The following MTSS1 variants were observed in gnomAD, a reference collection of about 807,000 sequenced individuals.
MTSS1 encodes MTSS I-BAR domain containing 1, also known as protein MTSS 1.
MTSS1 carries 18 observed loss-of-function variants against 79.0 expected under a neutral mutation model. That is an observed-to-expected ratio of 0.23 (90% CI 0.16 to 0.34). The LOEUF is 0.34. Among genes scored for constraint, MTSS1 ranks in the 10% least tolerant of loss-of-function variants. MTSS1 has a pLI of 1.00. For synonymous variants in MTSS1, 341 were observed against 368.6 expected, an observed-to-expected ratio of 0.93 and a Z score of 0.86; for missense variants, 815 against 986.2, an observed-to-expected ratio of 0.83 and a Z score of 2.33.
At chr8:124,574,197 G>C (rs1194938721) in intron 6 of MTSS1, among the ~76,000 whole-genome samples, 1 of 152,010 alleles carries the variant, frequency 6.6e-6, no homozygotes, top group African/African-American at 2.4e-5. Flanking sequence ...TGCCTGCCTC[G>C]GCCTCCCAAA....
At chr8:124,684,199 A>G (rs1055627637) in intron 3 of MTSS1, among the ~76,000 whole-genome samples, 2 of 152,208 alleles carry the variant, frequency 1.3e-5, no homozygotes, top group Non-Finnish European at 2.9e-5. Flanking sequence ...ATTAAAAACA[A>G]TCTCTAAAAA....
At chr8:124,588,241 T>G (rs1831211530) in intron 5 of MTSS1, among the ~76,000 whole-genome samples, 1 of 152,198 alleles carries the variant, frequency 6.6e-6, no homozygotes, top group East Asian at 1.9e-4. Context: ...AGGCCTGTTT[T>G]AGGAGCCACC....
At chr8:124,705,637 A>C (rs997853949) in intron 1 of MTSS1, among the ~76,000 whole-genome samples, 4 of 152,230 alleles carry the variant, frequency 2.6e-5, no homozygotes, top group African/African-American at 9.7e-5. Context: ...AAAAATTATA[A>C]TGAGGTTAAT....
chr8:124,695,243 C>T (rs991280897), intron 3 of MTSS1, among the ~76,000 whole-genome samples: 14 of 152,022 alleles, frequency 9.2e-5, no homozygotes, highest in African/African-American at 3.1e-4. Context: ...GAAACCAGAG[C>T]GACCTGCTAG....
chr8:124,589,723 CG>C lies in MTSS1; in HGVS notation c.294-13del, dbSNP rs141357674. The C allele has an allele frequency of 1.9e-5, 30 of 1,574,926 alleles. No individual in the cohort carries two copies. Among genetic ancestry groups the C allele is most frequent in the African/African-American group, 5.5e-5 (4 of 73,254 alleles). The stretch of plus-strand genomic sequence containing the variant: ...AATCAATTAAAGCGCTTTTACCAAG[CG>C]GGGGGGAAAAAGGGAGAAATTAAAT... On this transcript the variant is annotated splice_polypyrimidine_tract_variant and intron_variant, in intron 4 of 13. Coordinates refer to ENST00000518547, the MANE Select transcript of MTSS1 (RefSeq NM_014751.6).
intron 10 of MTSS1, among the ~76,000 whole-genome samples, chr8:124,560,852 G>A (rs918204143): frequency 6.6e-6 from 1 of 152,118 alleles, no homozygotes; most frequent in African/African-American, 2.4e-5. Context: ...AAGAGTGGAG[G>A]GAGGTAAACC....
chr8:124,555,948 G>A (rs11985150), intron 12 of MTSS1, 44 bp from the exon 13 acceptor site: 2 of 1,594,762 alleles, frequency 1.3e-6, no homozygotes, highest in Non-Finnish European at 1.7e-6. Context: ...TTTAGGGGGG[G>A]GGCTCAACAG....
chr8:124,640,692 C>T (rs965565068), intron 3 of MTSS1, among the ~76,000 whole-genome samples: 6 of 152,062 alleles, frequency 3.9e-5, no homozygotes, highest in African/African-American at 1.2e-4. Context: ...TACAGGTGCC[C>T]GCCCCCATGC....
intron 3 of MTSS1, among the ~76,000 whole-genome samples, chr8:124,672,819 A>G (rs1270319277): frequency 1.3e-5 from 2 of 152,032 alleles, no homozygotes; most frequent in Non-Finnish European, 2.9e-5. Context: ...TAAAATAAAT[A>G]CACACATGCA....
intron 2 of MTSS1, among the ~76,000 whole-genome samples, chr8:124,702,568 C>T (rs1829851993): frequency 6.6e-6 from 1 of 152,178 alleles, no homozygotes; most frequent in South Asian, 2.1e-4. Context: ...CCACCTTTCC[C>T]AAGTTCTTTA....
chr8:124,673,744 G>A (rs1477823942), intron 3 of MTSS1, among the ~76,000 whole-genome samples: 1 of 152,236 alleles, frequency 6.6e-6, no homozygotes, highest in East Asian at 1.9e-4. Flanking sequence ...TCGAGCAGAG[G>A]AAAGCACTAT....
intron 3 of MTSS1, among the ~76,000 whole-genome samples, chr8:124,606,089 C>T (rs1476905994): frequency 6.6e-6 from 1 of 150,694 alleles, no homozygotes; most frequent in African/African-American, 2.4e-5. Context: ...GATTCTTGTG[C>T]CTCAGCCTCC....
intron 3 of MTSS1, among the ~76,000 whole-genome samples, chr8:124,649,136 C>T (rs538781959): frequency 2.3e-4 from 35 of 152,380 alleles, no homozygotes; most frequent in African/African-American, 6.7e-4. Context: ...ATCCGGCCCA[C>T]TGCCTGTTTC....
chr8:124,592,811 G>A (rs116955064), intron 3 of MTSS1, among the ~76,000 whole-genome samples: 2,911 of 152,268 alleles, frequency 0.019, 51 homozygotes, highest in South Asian at 0.043. Flanking sequence ...ACTGGGCTGT[G>A]CAGTGTGAGA....
At chr8:124,634,962 T>C (rs1816723816) in intron 3 of MTSS1, among the ~76,000 whole-genome samples, 2 of 152,226 alleles carry the variant, frequency 1.3e-5, no homozygotes, top group African/African-American at 4.8e-5. Context: ...ACATTACTAG[T>C]CTTAATGCAC....
intron 3 of MTSS1, among the ~76,000 whole-genome samples, chr8:124,647,732 A>C (rs1181056061): frequency 1.3e-5 from 2 of 152,254 alleles, no homozygotes; most frequent in Non-Finnish European, 2.9e-5. Flanking sequence ...AAAATAAGCA[A>C]GGCAATTCAA....
In MTSS1 at chr8:124,591,132, G is replaced by C. The variant is rs1387115808; in HGVS notation, c.293+19C>G. 1 of 1,610,498 alleles carries C rather than the reference G, an allele frequency of 6.2e-7. No homozygotes were observed. ...ATCTGCAAGGGTGTTGGCGATCGGG[G>C]CCAAAACATGCTCCTCACCTCGAAA... On this transcript the variant is annotated intron_variant, in intron 4 of 13. Transcript: ENST00000518547.
chr8:124,586,323 A>G (rs1359692731), intron 5 of MTSS1, among the ~76,000 whole-genome samples: 2 of 151,920 alleles, frequency 1.3e-5, no homozygotes, highest in Non-Finnish European at 2.9e-5. Flanking sequence ...CCACTCCCCC[A>G]TCTTCCCTGC....
chr8:124,621,819 G>T (rs1443043401), intron 3 of MTSS1, among the ~76,000 whole-genome samples: 1 of 152,152 alleles, frequency 6.6e-6, no homozygotes, highest in Non-Finnish European at 1.5e-5. Flanking sequence ...AAGGTGCTGG[G>T]ATTACAGGCG....
Sources: gnomAD v4.1 joint callset for allele counts (sites outside exome capture counted in the v4.1 genomes callset) on GRCh38, gnomAD v4.1.1 for gene constraint, MANE v1.5 for transcripts, NCBI Gene and HGNC (gene_info 2026-07-23, HGNC 2026-07-21) for gene names.